The following S100Z variants were observed in gnomAD, a reference collection of about 807,000 sequenced individuals.
The protein encoded by S100Z is protein S100-Z.
A neutral mutation model predicts 8.5 loss-of-function variants in S100Z; 11 were observed. That is an observed-to-expected ratio of 1.30 (90% CI 0.82 to 2.15). The LOEUF (loss-of-function observed/expected upper bound fraction) is 2.15, where lower values mean the gene tolerates loss of function less well. Among genes scored for constraint, S100Z ranks in the 30% most tolerant of loss-of-function variants. The pLI is 0.00. For synonymous variants in S100Z, 34 were observed against 43.8 expected (o/e 0.78, Z 0.89); for missense variants, 126 against 117.9 (o/e 1.07, Z -0.32).
At chr5:76,942,141 G>C in the S100Z span, among the ~76,000 whole-genome samples, 1 of 151,802 alleles carries the variant, frequency 6.6e-6, no homozygotes, top group Admixed American at 6.6e-5. Flanking sequence ...TGTAGACAGA[G>C]TCTTGCTTTG....
intron 1 of S100Z, among the ~76,000 whole-genome samples, chr5:76,861,731 A>G (rs928400579): frequency 3.9e-5 from 6 of 152,242 alleles, no homozygotes; most frequent in African/African-American, 1.4e-4. Context: ...GGCTTGGCCA[A>G]TGTGACTGGC....
At chr5:76,892,876 G>C (rs151008875) in intron 4 of S100Z, among the ~76,000 whole-genome samples, 240 of 152,272 alleles carry the variant, frequency 1.6e-3, no homozygotes, top group Non-Finnish European at 3.0e-3. Flanking sequence ...TCTCAGGTGA[G>C]TGGAGGGATG....
the S100Z span, among the ~76,000 whole-genome samples, chr5:76,950,595 G>A: frequency 9.9e-5 from 15 of 152,210 alleles, no homozygotes; most frequent in African/African-American, 3.6e-4. Context: ...ACACCTATCC[G>A]GGACTGTATA....
At chr5:76,851,211 G>GAGGCACCTGAACAGAGGCACC (rs1750719307) in intron 1 of S100Z, among the ~76,000 whole-genome samples, 2 of 152,228 alleles carry the variant, frequency 1.3e-5, no homozygotes, top group African/African-American at 4.8e-5. Context: ...GGGCAGCACA[G>GAGGCACCTGAACAGAGGCACC]TGGCAGTGCC....
rs185148008 is a variant in S100Z, at chr5:76,858,284, A to T, written c.-176+8129A>T. 2.2e-4 allele frequency among the ~76,000 whole-genome samples: 33 copies of T among 152,258 alleles called. No individual in the cohort carries two copies. In the East Asian group the frequency reaches 6.2e-3, roughly 29 times the overall value. ...ACACCTGTAATCCCAGCACTTTGGG[A>T]GGCCAAGGTAGGTGGATCACCTGAG... On this transcript the variant is annotated intron_variant, in intron 1 of 4. Coordinates refer to ENST00000317593, the MANE Select transcript of S100Z (RefSeq NM_130772.4).
intron 4 of S100Z, among the ~76,000 whole-genome samples, chr5:76,878,978 A>T (rs1005565535): frequency 6.6e-6 from 1 of 152,218 alleles, no homozygotes; most frequent in Non-Finnish European, 1.5e-5. Flanking sequence ...TCTATGTATC[A>T]GAACCCTGGT....
intron 4 of S100Z, among the ~76,000 whole-genome samples, chr5:76,880,507 A>G (rs1743369063): frequency 6.6e-6 from 1 of 152,122 alleles, no homozygotes; most frequent in Admixed American, 6.5e-5. Context: ...AGCTGAAGGA[A>G]GATTTTGTGG....
At chr5:76,913,735 G>T (rs774519841) in intron 4 of S100Z, among the ~76,000 whole-genome samples, 2 of 152,186 alleles carry the variant, frequency 1.3e-5, no homozygotes, top group African/African-American at 2.4e-5. Flanking sequence ...CTCCAAAACC[G>T]CAGAGGCGTA....
intron 4 of S100Z, among the ~76,000 whole-genome samples, chr5:76,916,504 A>G (rs1221312152): frequency 1.3e-5 from 2 of 151,478 alleles, no homozygotes; most frequent in Non-Finnish European, 2.9e-5. Flanking sequence ...CCCACAGTAC[A>G]TATACCAAGA....
chr5:76,944,008 T>C, the S100Z span, among the ~76,000 whole-genome samples: 61,353 of 141,944 alleles, frequency 0.43, 14,313 homozygotes, highest in South Asian at 0.65. Flanking sequence ...CATGACTGAG[T>C]TTTTTTTTTG....
intron 4 of S100Z, among the ~76,000 whole-genome samples, chr5:76,916,281 A>G (rs1392310341): frequency 6.6e-6 from 1 of 152,182 alleles, no homozygotes; most frequent in Non-Finnish European, 1.5e-5. Flanking sequence ...AGAACTACAA[A>G]ATATGTAAAG....
intron 1 of S100Z, among the ~76,000 whole-genome samples, chr5:76,861,173 C>T (rs1751044403): frequency 6.6e-6 from 1 of 152,170 alleles, no homozygotes; most frequent in Admixed American, 6.6e-5. Context: ...TGAGGATCCA[C>T]TCCTAAGGTG....
At chr5:76,857,602 A>G (rs1299211766) in intron 1 of S100Z, among the ~76,000 whole-genome samples, 1 of 150,864 alleles carries the variant, frequency 6.6e-6, no homozygotes, top group African/African-American at 2.4e-5. Flanking sequence ...CGGTTCAAGC[A>G]ATTCTCATGC....
intron 4 of S100Z, among the ~76,000 whole-genome samples, chr5:76,882,655 A>G (rs1170169581): frequency 6.6e-6 from 1 of 152,188 alleles, no homozygotes; most frequent in East Asian, 1.9e-4. Context: ...CAGGGAGAGC[A>G]TGTGTATTTT....
At chr5:76,850,233 G>C (rs1750682810) in intron 1 of S100Z, 78 bp downstream of exon 1, 1 of 150,746 alleles carries the variant, frequency 6.6e-6, no homozygotes, top group Non-Finnish European at 1.5e-5. Flanking sequence ...CGTTGGATTA[G>C]AGAGGGCAAC....
chr5:76,863,649 C>A (rs1751140458), intron 1 of S100Z, among the ~76,000 whole-genome samples: 1 of 152,070 alleles, frequency 6.6e-6, no homozygotes, highest in African/African-American at 2.4e-5. Context: ...CGCCATTCTC[C>A]TGCCTCAGCC....
chr5:76,952,902 C>A, the S100Z span: 1 of 539,826 alleles, frequency 1.9e-6, no homozygotes, highest in Non-Finnish European at 3.3e-6. Flanking sequence ...AAATTTGTGG[C>A]TGAGAGCTGG....
chr5:76,936,851 G>A, the S100Z span, among the ~76,000 whole-genome samples: 1 of 152,134 alleles, frequency 6.6e-6, no homozygotes. Flanking sequence ...GGCACTGAAA[G>A]AAGGAGCACT....
intron 1 of S100Z, among the ~76,000 whole-genome samples, chr5:76,859,601 T>C (rs1288886736): frequency 6.6e-6 from 1 of 151,572 alleles, no homozygotes; most frequent in Non-Finnish European, 1.5e-5. Flanking sequence ...GCCAACATGA[T>C]GAAACCCCAT....
Sources: gnomAD v4.1 joint callset for allele counts (sites outside exome capture counted in the v4.1 genomes callset) on GRCh38, gnomAD v4.1.1 for gene constraint, MANE v1.5 for transcripts, NCBI Gene and HGNC (gene_info 2026-07-23, HGNC 2026-07-21) for gene names.